The following LMBRD2 variants were observed in gnomAD, a reference collection of about 807,000 sequenced individuals.
LMBRD2 encodes the protein LMBR1 domain containing 2.
A neutral mutation model predicts 94.4 loss-of-function variants in LMBRD2; 55 were observed. The ratio of observed to expected loss-of-function variants is 0.58; its 90% confidence interval spans 0.47 to 0.73. LMBRD2 has a LOEUF of 0.73. Among genes scored for constraint, LMBRD2 ranks in the 30% least tolerant of loss-of-function variants. LMBRD2 has a pLI of 0.00. For synonymous variants in LMBRD2, 246 were observed against 272.4 expected (o/e 0.90, Z 0.95); for missense variants, 640 against 831.9 (o/e 0.77, Z 2.84).
At chr5:36,137,217 A>T (rs1404301063) in intron 5 of LMBRD2, 57 bp downstream of exon 5, 25 of 1,192,148 alleles carry the variant, frequency 2.1e-5, no homozygotes, top group Non-Finnish European at 1.0e-5. Context: ...ATTAAAAATG[A>T]TTTTTTAAAA....
intron 4 of LMBRD2, among the ~76,000 whole-genome samples, chr5:36,139,545 G>T (rs911113026): frequency 2.6e-5 from 4 of 152,176 alleles, no homozygotes; most frequent in Admixed American, 6.5e-5. Flanking sequence ...AGAACTTAGG[G>T]TGCTTTATCC....
chr5:36,131,293 G>C (rs1381430406), intron 6 of LMBRD2, among the ~76,000 whole-genome samples: 1 of 151,958 alleles, frequency 6.6e-6, no homozygotes, highest in African/African-American at 2.4e-5. Flanking sequence ...ATCCCTTTAT[G>C]ATAAAAACCC....
At position 36,138,572 on chromosome 5, in the gene LMBRD2, C is replaced by T. The variant is rs181879846; in HGVS notation, c.369-1131G>A. On this transcript the variant is annotated intron_variant, in intron 4 of 17. Transcript: ENST00000296603. ...AGTGCGGGATGACTACACAGGGAAG[C>T]GTGAGCGAGGCTTCTGGGGGCATTG... Among the ~76,000 whole-genome samples, 8 of 152,282 alleles carry T rather than the reference C, an allele frequency of 5.3e-5. No individual in the cohort carries two copies. The East Asian group carries it at 5.8e-4, about 11-fold the overall frequency.
intron 2 of LMBRD2, 193 bp from the exon 3 acceptor site, chr5:36,142,792 T>G: frequency 2.4e-6 from 1 of 418,650 alleles, no homozygotes; most frequent in East Asian, 4.5e-5. Flanking sequence ...TGGCGCGATC[T>G]CGGCTTACTG....
chr5:36,148,930 A>G (rs1024198520), intron 1 of LMBRD2, among the ~76,000 whole-genome samples: 5 of 152,224 alleles, frequency 3.3e-5, no homozygotes, highest in African/African-American at 1.2e-4. Context: ...GTCATGTTTA[A>G]TAAAGAATTT....
At chr5:36,146,386 C>T (rs1339482455) in intron 1 of LMBRD2, among the ~76,000 whole-genome samples, 1 of 152,120 alleles carries the variant, frequency 6.6e-6, no homozygotes, top group Non-Finnish European at 1.5e-5. Flanking sequence ...CTCATTCAGG[C>T]TACTGGCAGG....
intron 13 of LMBRD2, among the ~76,000 whole-genome samples, chr5:36,113,137 G>A (rs528277397): frequency 2.4e-4 from 37 of 152,242 alleles, no homozygotes; most frequent in South Asian, 6.2e-4. Flanking sequence ...ACCCAGCACC[G>A]CGCCCTGGGC....
intron 6 of LMBRD2, among the ~76,000 whole-genome samples, chr5:36,128,103 A>T (rs1744048283): frequency 6.6e-6 from 1 of 152,192 alleles, no homozygotes; most frequent in African/African-American, 2.4e-5. Context: ...AGAGAACAAG[A>T]ATCTCTGCCT....
At position 36,099,633 on chromosome 5, in the gene LMBRD2, A is replaced by G. The variant is rs1277434176; in HGVS notation, c.*4413T>C. On this transcript the variant is annotated 3_prime_UTR_variant, in exon 18 of 18. Coordinates refer to ENST00000296603, the MANE Select transcript of LMBRD2 (RefSeq NM_001007527.2). ...ATGATTTTACCCTACATATGTCTGCAATAGTAAATCATTCTTTCTACTCTT... is the reference window on the plus strand; with the variant it reads ...ATGATTTTACCCTACATATGTCTGCGATAGTAAATCATTCTTTCTACTCTT... 2 of 152,128 alleles carry G rather than the reference A, an allele frequency of 1.3e-5. No homozygotes were observed. The highest frequency in any genetic ancestry group is 4.8e-5 in the African/African-American group (2 of 41,450). The allele number at this position is 152,128 out of a possible 1,614,324, so 9.4% of individuals were successfully genotyped here.
chr5:36,142,716 C>CTTTT (rs878956939), intron 2 of LMBRD2, 117 bp from the exon 3 acceptor site: 9 of 393,572 alleles, frequency 2.3e-5, no homozygotes, highest in African/African-American at 4.5e-5. Flanking sequence ...ATGCTTTATT[C>CTTTT]TTTTTTTTTT....
At chr5:36,117,699 T>C in intron 10 of LMBRD2, 36 bp downstream of exon 10, 2 of 1,402,772 alleles carry the variant, frequency 1.4e-6, no homozygotes, top group Non-Finnish European at 2.0e-6. Context: ...TACTATGAAG[T>C]GACATCTATT....
intron 10 of LMBRD2, among the ~76,000 whole-genome samples, chr5:36,117,369 T>C (rs1743782119): frequency 6.6e-6 from 1 of 152,024 alleles, no homozygotes; most frequent in Non-Finnish European, 1.5e-5. Flanking sequence ...GCCCAGCTAC[T>C]TGGGAGGCTA....
chr5:36,112,045 G>A (rs1743620950), intron 13 of LMBRD2, among the ~76,000 whole-genome samples: 1 of 149,408 alleles, frequency 6.7e-6, no homozygotes, highest in Non-Finnish European at 1.5e-5. Flanking sequence ...AGGAGAAAGT[G>A]GTGAAGGAGA....
chr5:36,131,142 C>T (rs889685783), intron 6 of LMBRD2, among the ~76,000 whole-genome samples: 2 of 151,994 alleles, frequency 1.3e-5, no homozygotes, highest in African/African-American at 4.8e-5. Context: ...TCCATCTGAT[C>T]AATTCAGATT....
intron 6 of LMBRD2, among the ~76,000 whole-genome samples, chr5:36,127,086 C>T (rs745944187): frequency 5.3e-5 from 8 of 152,194 alleles, no homozygotes; most frequent in Non-Finnish European, 1.5e-5. Flanking sequence ...TTACCATAAA[C>T]TGTAAGGGAC....
chr5:36,134,531 A>T (rs1744224338), intron 6 of LMBRD2, among the ~76,000 whole-genome samples: 1 of 152,140 alleles, frequency 6.6e-6, no homozygotes, highest in Admixed American at 6.5e-5. Context: ...CTCTAATCCA[A>T]TATGACTGGT....
At chr5:36,115,147 T>A in intron 11 of LMBRD2, 27 bp from the exon 12 acceptor site, 2 of 1,404,278 alleles carry the variant, frequency 1.4e-6, no homozygotes. Context: ...AAAATATGTA[T>A]ATAAAAAGTA....
chr5:36,123,742 T>C (rs1000659783), intron 7 of LMBRD2, among the ~76,000 whole-genome samples: 6 of 150,174 alleles, frequency 4.0e-5, no homozygotes, highest in Admixed American at 2.0e-4. Flanking sequence ...TAGTTAAATA[T>C]AGTATAGTTT....
At chr5:36,107,398 T>C (rs1265441325) in intron 16 of LMBRD2, among the ~76,000 whole-genome samples, 1 of 152,246 alleles carries the variant, frequency 6.6e-6, no homozygotes, top group Non-Finnish European at 1.5e-5. Flanking sequence ...TTATCTTACT[T>C]TCTTGTATAT....
Sources: allele counts gnomAD v4.1 joint callset (sites outside exome capture counted in the v4.1 genomes callset), GRCh38; gene constraint gnomAD v4.1.1; transcripts MANE v1.5; gene names NCBI Gene and HGNC (gene_info 2026-07-23, HGNC 2026-07-21).